Variants in LUZP1 observed in about 807,000 individuals in gnomAD.
LUZP1 encodes filamin mechanobinding actin cross-linking protein.
LUZP1 carries 25 observed loss-of-function variants against 71.3 expected under a neutral mutation model. The observed-to-expected ratio is 0.35, with a 90% CI of 0.26 to 0.49. The LOEUF is 0.49. Among genes scored for constraint, LUZP1 ranks in the 20% least tolerant of loss-of-function variants. The probability of loss-of-function intolerance (pLI) is 0.99; values close to 1 mark genes in which losing one functional copy is unlikely to be tolerated. For synonymous variants in LUZP1, 481 were observed against 506.4 expected, an observed-to-expected ratio of 0.95 and a Z score of 0.67; for missense variants, 1,142 against 1,300.8, an observed-to-expected ratio of 0.88 and a Z score of 1.88.
downstream of LUZP1, among the ~76,000 whole-genome samples, chr1:23,083,865 AG>A (rs921771756): frequency 6.6e-6 from 1 of 152,100 alleles, no homozygotes; most frequent in African/African-American, 2.4e-5. Flanking sequence ...AAGATAAGGT[AG>A]GGGGGCCGGT....
intron 1 of LUZP1, among the ~76,000 whole-genome samples, chr1:23,172,708 T>C (rs1644559333): frequency 6.6e-6 from 1 of 151,878 alleles, no homozygotes; most frequent in Non-Finnish European, 1.5e-5. Flanking sequence ...AGAGATGGGG[T>C]TTCACCATGT....
intron 2 of LUZP1, among the ~76,000 whole-genome samples, chr1:23,131,111 T>C (rs1208390297): frequency 6.8e-6 from 1 of 146,966 alleles, no homozygotes; most frequent in Non-Finnish European, 1.5e-5. Flanking sequence ...CCCAGCTACT[T>C]GGGAGGCTGA....
intron 1 of LUZP1, among the ~76,000 whole-genome samples, chr1:23,171,020 G>A (rs1448129757): frequency 6.6e-6 from 1 of 151,382 alleles, no homozygotes. Flanking sequence ...AACCTGGGAG[G>A]TGGAGGCTGC....
intron 2 of LUZP1, among the ~76,000 whole-genome samples, chr1:23,154,022 C>G (rs998866550): frequency 1.5e-4 from 23 of 152,116 alleles, no homozygotes; most frequent in Non-Finnish European, 7.3e-5. Context: ...CTGATACATG[C>G]AATAATGTGG....
chr1:23,170,191 C>G (rs906937826), intron 1 of LUZP1, among the ~76,000 whole-genome samples: 4 of 152,130 alleles, frequency 2.6e-5, no homozygotes, highest in African/African-American at 4.8e-5. Context: ...AAGAACTGAC[C>G]TCCCATTTGT....
rs1644169788 is a variant in LUZP1, at chr1:23,126,072, A to T, written c.-225-16945T>A. On this transcript the variant is annotated intron_variant, in intron 2 of 4. Transcript: ENST00000302291. Reference sequence around the variant, plus strand: ...AGACTATACTTTTTAAAATACTGTGAAGTGTGTATGGGAGGGCGATCATTA... The same window carrying T: ...AGACTATACTTTTTAAAATACTGTGTAGTGTGTATGGGAGGGCGATCATTA... Among the ~76,000 whole-genome samples, 2 of 152,160 alleles carry T rather than the reference A, an allele frequency of 1.3e-5. 1 individual carries two copies. Among genetic ancestry groups the T allele is most frequent in the South Asian group, 4.1e-4 (2 of 4,828 alleles).
chr1:23,116,746 G>A (rs1196918565), intron 2 of LUZP1, among the ~76,000 whole-genome samples: 1 of 152,194 alleles, frequency 6.6e-6, no homozygotes. Context: ...AGCACTGTCT[G>A]TCACATGTAC....
chr1:23,092,230 T>C (rs957593122), exon 4 of LUZP1: 4 of 1,614,170 alleles, frequency 2.5e-6, no homozygotes, highest in Non-Finnish European at 2.5e-6. Flanking sequence ...TCTGGAGTGA[T>C]GGTTGTATTT....
At chr1:23,104,112 C>A (rs1002892092) in intron 3 of LUZP1, among the ~76,000 whole-genome samples, 1 of 151,788 alleles carries the variant, frequency 6.6e-6, no homozygotes, top group Non-Finnish European at 1.5e-5. Flanking sequence ...GAGGAACATT[C>A]CCTTATCTCC....
chr1:23,129,309 C>T (rs553232389), intron 2 of LUZP1, among the ~76,000 whole-genome samples: 15 of 152,310 alleles, frequency 9.8e-5, no homozygotes, highest in African/African-American at 3.6e-4. Flanking sequence ...AGGCCAGGCG[C>T]GGTGGCTCAC....
chr1:23,131,652 T>C (rs1644216514), intron 2 of LUZP1, among the ~76,000 whole-genome samples: 1 of 152,046 alleles, frequency 6.6e-6, no homozygotes, highest in East Asian at 1.9e-4. Context: ...GCAAGAACAT[T>C]GTTTCCTGCT....
chr1:23,122,386 T>C (rs960425420), intron 2 of LUZP1, among the ~76,000 whole-genome samples: 1 of 152,200 alleles, frequency 6.6e-6, no homozygotes, highest in East Asian at 1.9e-4. Context: ...CCACATTATA[T>C]GTACAGCCAG....
chr1:23,133,039 C>A (rs1038525718), intron 2 of LUZP1, among the ~76,000 whole-genome samples: 1 of 152,174 alleles, frequency 6.6e-6, no homozygotes, highest in African/African-American at 2.4e-5. Flanking sequence ...GGGCAAAAGC[C>A]TAGACTAGGT....
intron 3 of LUZP1, among the ~76,000 whole-genome samples, chr1:23,099,350 A>G (rs1200916253): frequency 6.6e-6 from 1 of 152,242 alleles, no homozygotes; most frequent in Non-Finnish European, 1.5e-5. Flanking sequence ...GACAAATGAT[A>G]TATGATTCAT....
intron 2 of LUZP1, among the ~76,000 whole-genome samples, chr1:23,168,431 C>A (rs922135228): frequency 1.1e-4 from 16 of 146,744 alleles, no homozygotes; most frequent in Non-Finnish European, 2.1e-4. Context: ...CGCGTCTCTG[C>A]CCCAAACATT....
intron 2 of LUZP1, among the ~76,000 whole-genome samples, chr1:23,159,672 A>AT (rs1644449156): frequency 6.6e-6 from 1 of 152,230 alleles, no homozygotes; most frequent in African/African-American, 2.4e-5. Context: ...AGTGCCTGTC[A>AT]CATAGCCAAT....
chr1:23,092,250 G>A lies in LUZP1; in HGVS notation c.2012C>T (p.Ala671Val). The A allele has an allele frequency of 2.5e-6, 4 of 1,614,124 alleles. No homozygotes were observed. The highest frequency in any genetic ancestry group is 3.4e-6 in the Non-Finnish European group (4 of 1,180,014). Residue 671 changes from alanine (A) to valine (V), a missense_variant, in exon 4 of 5, where the codon GCC becomes GTC. Coordinates refer to ENST00000302291, the Ensembl canonical transcript of LUZP1. ...AGTGATGGTTGTATTTACCAACTTG[G>A]CAGTAACAAGAGATGCTATGTCCAA...
intron 3 of LUZP1, among the ~76,000 whole-genome samples, chr1:23,105,321 C>T (rs1643971788): frequency 7.1e-6 from 1 of 141,656 alleles, no homozygotes; most frequent in Non-Finnish European, 1.5e-5. Context: ...TAGGTTCATA[C>T]TGGCTTTGTT....
At chr1:23,178,040 G>T (rs1271845970), upstream of LUZP1, among the ~76,000 whole-genome samples, 4 of 152,180 alleles carry the variant, frequency 2.6e-5, no homozygotes, top group Admixed American at 2.0e-4. Context: ...CCTCCTTTGC[G>T]CTGAACGGGG....
Sources: allele counts gnomAD v4.1 joint callset (sites outside exome capture counted in the v4.1 genomes callset), GRCh38; gene constraint gnomAD v4.1.1; transcripts MANE v1.5; gene names NCBI Gene and HGNC (gene_info 2026-07-23, HGNC 2026-07-21).